CTNNA1: variants seen among roughly 807,000 people sequenced by gnomAD.
CTNNA1 encodes the protein catenin alpha 1.
Under a neutral mutation model 98.4 loss-of-function variants are expected in CTNNA1, and 37 were observed. The observed-to-expected ratio is 0.38, with a 90% CI of 0.29 to 0.49. The LOEUF is 0.49. Ranked by LOEUF, CTNNA1 falls within the 20% of genes least tolerant of loss-of-function variation. CTNNA1 has a pLI of 0.95. For synonymous variants in CTNNA1, 404 were observed against 413.2 expected, an observed-to-expected ratio of 0.98 and a Z score of 0.27; for missense variants, 761 against 1,147.2, an observed-to-expected ratio of 0.66 and a Z score of 4.86.
At chr5:138,797,374 C>T (rs1757088587) in intron 3 of CTNNA1, among the ~76,000 whole-genome samples, 1 of 152,112 alleles carries the variant, frequency 6.6e-6, no homozygotes, top group African/African-American at 2.4e-5. Flanking sequence ...CATCCCTTTC[C>T]CAGGACATAA....
chr5:138,860,215 C>T (rs1401038964), intron 7 of CTNNA1, among the ~76,000 whole-genome samples: 2 of 152,078 alleles, frequency 1.3e-5, no homozygotes, highest in Admixed American at 6.6e-5. Context: ...TTTAATAATT[C>T]TAGTTATAAA....
chr5:138,758,051 G>C (rs1366775693), intron 1 of CTNNA1, among the ~76,000 whole-genome samples: 1 of 151,836 alleles, frequency 6.6e-6, no homozygotes, highest in Non-Finnish European at 1.5e-5. Flanking sequence ...TTGTTGCCCA[G>C]GCTGGAGTGC....
chr5:138,891,815 T>C lies in CTNNA1; in HGVS notation c.1296+4173T>C, dbSNP rs560380847. ...AACAAAAAACCATAAGATACATATG[T>C]GAAAGGAAAATAAATCTTGGGACCC... On this transcript the variant is annotated intron_variant, in intron 9 of 17. Transcript: ENST00000302763. Among the ~76,000 whole-genome samples, 4 of 151,880 alleles carry C rather than the reference T, an allele frequency of 2.6e-5. No individual in the cohort carries two copies. In the East Asian group the frequency reaches 7.7e-4, roughly 29 times the overall value.
intron 1 of CTNNA1, among the ~76,000 whole-genome samples, chr5:138,776,677 A>G (rs1754244430): frequency 3.5e-5 from 5 of 143,104 alleles, no homozygotes; most frequent in East Asian, 2.1e-4. Flanking sequence ...CGGGGGGCTG[A>G]CCCCCCCACC....
chr5:138,808,934 A>G (rs1221034627), intron 3 of CTNNA1, among the ~76,000 whole-genome samples: 1 of 152,152 alleles, frequency 6.6e-6, no homozygotes, highest in Non-Finnish European at 1.5e-5. Flanking sequence ...TAAGACACAA[A>G]TGACAGAAAG....
intron 7 of CTNNA1, among the ~76,000 whole-genome samples, chr5:138,852,977 C>T (rs1238871936): frequency 6.6e-6 from 1 of 151,936 alleles, no homozygotes; most frequent in Non-Finnish European, 1.5e-5. Context: ...CATGGAAATC[C>T]TTGCAAGCCT....
chr5:138,796,785 G>A (rs1757027025), intron 3 of CTNNA1, among the ~76,000 whole-genome samples: 1 of 152,142 alleles, frequency 6.6e-6, no homozygotes, highest in Non-Finnish European at 1.5e-5. Flanking sequence ...TCATTTTAGC[G>A]CAGGGCTGTT....
chr5:138,915,309 A>G (rs1236147669), intron 10 of CTNNA1, among the ~76,000 whole-genome samples: 2 of 152,228 alleles, frequency 1.3e-5, no homozygotes, highest in Non-Finnish European at 2.9e-5. Context: ...CATCTCTTCA[A>G]AGAATATAAA....
intron 7 of CTNNA1, among the ~76,000 whole-genome samples, chr5:138,828,855 G>C (rs1760984031): frequency 6.6e-6 from 1 of 152,246 alleles, no homozygotes; most frequent in South Asian, 2.1e-4. Flanking sequence ...TGGGCATGAT[G>C]GTTCAAGCCT....
At chr5:138,819,752 G>A (rs981123436) in intron 5 of CTNNA1, among the ~76,000 whole-genome samples, 1 of 151,920 alleles carries the variant, frequency 6.6e-6, no homozygotes, top group Middle Eastern at 3.4e-3. Context: ...CCCTGGAAGG[G>A]GAGTGATATT....
intron 6 of CTNNA1, 110 bp from the exon 7 acceptor site, chr5:138,827,405 A>T (rs1760830567): frequency 8.2e-7 from 1 of 1,225,670 alleles, no homozygotes; most frequent in Non-Finnish European, 1.2e-6. Context: ...TTTCTTTCAG[A>T]TGTTGGAATT....
intron 7 of CTNNA1, chr5:138,870,969 A>T (rs1156354986): frequency 6.6e-6 from 1 of 152,236 alleles, no homozygotes; most frequent in Non-Finnish European, 1.5e-5. Flanking sequence ...AACTGGGCTG[A>T]GACTTTGACA....
chr5:138,874,482 G>C lies in CTNNA1; in HGVS notation c.1063-11730G>C, dbSNP rs1751066623. On this transcript the variant is annotated intron_variant, in intron 7 of 17. Coordinates refer to ENST00000302763, the MANE Select transcript of CTNNA1 (RefSeq NM_001903.5). This position sits in a 1 kb window ranked among gnomAD's most constrained non-coding sequence, Gnocchi z 4.1. ...GGACACGCCATACCCAGGGCAGGCA[G>C]CATTTTTAAAACCATACTCATTGCA... The C allele has an allele frequency of 6.2e-7, 1 of 1,611,906 alleles. No individual in the cohort carries two copies. Among genetic ancestry groups the C allele is most frequent in the Non-Finnish European group, 8.5e-7 (1 of 1,178,982 alleles).
chr5:138,917,582 T>A (rs1762052980), intron 10 of CTNNA1, among the ~76,000 whole-genome samples, 160 bp from the exon 11 acceptor site: 1 of 152,212 alleles, frequency 6.6e-6, no homozygotes. Flanking sequence ...ATGTATTAAT[T>A]CAACTTCACC....
chr5:138,867,030 G>A (rs1406006930), intron 7 of CTNNA1, among the ~76,000 whole-genome samples: 1 of 152,160 alleles, frequency 6.6e-6, no homozygotes, highest in Non-Finnish European at 1.5e-5. Context: ...TAAAATAACT[G>A]ATAAATCAGA....
intron 17 of CTNNA1, 120 bp downstream of exon 17, chr5:138,932,832 C>T (rs975978190): frequency 2.4e-6 from 3 of 1,265,442 alleles, no homozygotes; most frequent in Non-Finnish European, 3.4e-6. Context: ...GCAGAAACTC[C>T]AAGTCCTGTC....
At chr5:138,830,202 A>C (rs1274975074) in intron 7 of CTNNA1, among the ~76,000 whole-genome samples, 1 of 150,398 alleles carries the variant, frequency 6.6e-6, no homozygotes. Flanking sequence ...ACAAACAAAA[A>C]ACAGAAAAAT....
At chr5:138,886,331 T>G in intron 8 of CTNNA1, 39 bp downstream of exon 8, 2 of 1,544,612 alleles carry the variant, frequency 1.3e-6, no homozygotes, top group Non-Finnish European at 1.7e-6. Flanking sequence ...TTCTAAGTTC[T>G]CAATTTTGTA....
chr5:138,916,578 A>C (rs1761824721), intron 10 of CTNNA1, among the ~76,000 whole-genome samples: 1 of 151,568 alleles, frequency 6.6e-6, no homozygotes. Flanking sequence ...GCTGGAGTGC[A>C]GTGGTGTGAT....
Sources: allele counts gnomAD v4.1 joint callset (sites outside exome capture counted in the v4.1 genomes callset), GRCh38; gene constraint gnomAD v4.1.1; non-coding constraint Gnocchi (gnomAD v3.1); transcripts MANE v1.5; gene names NCBI Gene and HGNC (gene_info 2026-07-23, HGNC 2026-07-21).